LRP1B: variants seen among roughly 807,000 people sequenced by gnomAD.
LRP1B encodes the protein LDL receptor related protein 1B.
LRP1B carries 217 observed loss-of-function variants against 556.6 expected under a neutral mutation model. The observed-to-expected ratio is 0.39, with a 90% CI of 0.35 to 0.44. The LOEUF (loss-of-function observed/expected upper bound fraction) is 0.44. Among genes scored for constraint, LRP1B ranks in the 20% least tolerant of loss-of-function variants. LRP1B has a pLI of 1.00. For missense variants in LRP1B, 5,053 were observed against 5,620.8 expected, an observed-to-expected ratio of 0.90 and a Z score of 3.23; for synonymous variants, 2,047 against 1,865.8, an observed-to-expected ratio of 1.10 and a Z score of -2.50.
chr2:140,715,885 A>G, intron 37 of LRP1B, 88 bp downstream of exon 37: 1 of 1,100,146 alleles, frequency 9.1e-7, no homozygotes, highest in Non-Finnish European at 1.3e-6. Flanking sequence ...TGTCTCAGAC[A>G]TTACAGCTAA....
intron 37 of LRP1B, among the ~76,000 whole-genome samples, chr2:140,703,983 T>C (rs1224566625): frequency 6.6e-6 from 1 of 152,192 alleles, no homozygotes; most frequent in Admixed American, 6.6e-5. Context: ...CATGTGTCTT[T>C]TTGGTATAAT....
chr2:142,117,617 G>C (rs1574705992), intron 1 of LRP1B, among the ~76,000 whole-genome samples: 1 of 151,956 alleles, frequency 6.6e-6, no homozygotes, highest in African/African-American at 2.4e-5. Flanking sequence ...GTGTGTGTTT[G>C]TGTGTGTGTG....
intron 2 of LRP1B, among the ~76,000 whole-genome samples, chr2:141,565,479 T>C (rs16846504): frequency 0.028 from 4,268 of 152,316 alleles, 217 homozygotes; most frequent in African/African-American, 0.094. Flanking sequence ...ATACCTTTTT[T>C]CTTTATATCC....
chr2:140,865,911 G>A (rs1312552332), intron 27 of LRP1B, among the ~76,000 whole-genome samples: 1 of 152,078 alleles, frequency 6.6e-6, no homozygotes, highest in Admixed American at 6.6e-5. Flanking sequence ...ATAAATATCA[G>A]GAAAGCTTGA....
At chr2:140,383,770 G>A (rs138020638) in intron 67 of LRP1B, among the ~76,000 whole-genome samples, 4 of 152,158 alleles carry the variant, frequency 2.6e-5, no homozygotes, top group African/African-American at 9.6e-5. Context: ...TCTCTCCTCT[G>A]CAACTTCATC....
rs946099031 is a variant in LRP1B, at chr2:141,587,155, CAAAGA to C, written c.206-106627_206-106623del. On this transcript the variant is annotated intron_variant, in intron 2 of 90. Transcript: ENST00000389484. ...TATGCAAAAAACTAGGACTGTAAAG[CAAAGA>C]AAATACCTGATTATTTTTTGTCTTA... Among the ~76,000 whole-genome samples, 6 of 152,074 alleles carry C rather than the reference CAAAGA, an allele frequency of 3.9e-5. No homozygotes were observed. In the South Asian group the frequency reaches 6.2e-4, roughly 16 times the overall value.
chr2:140,238,692 T>A (rs1222016648), intron 88 of LRP1B, among the ~76,000 whole-genome samples: 2 of 150,872 alleles, frequency 1.3e-5, no homozygotes, highest in Non-Finnish European at 3.0e-5. Context: ...AAGCTCTTGG[T>A]TTTTAAGCTT....
intron 3 of LRP1B, among the ~76,000 whole-genome samples, chr2:141,471,498 C>A (rs1424610376): frequency 6.6e-6 from 1 of 152,084 alleles, no homozygotes; most frequent in Non-Finnish European, 1.5e-5. Context: ...ACTTATGCCT[C>A]TGTATATGTA....
At chr2:140,335,455 T>C (rs959835665) in intron 78 of LRP1B, among the ~76,000 whole-genome samples, 160 bp downstream of exon 78, 5 of 151,946 alleles carry the variant, frequency 3.3e-5, no homozygotes, top group Non-Finnish European at 7.4e-5. Context: ...TTGGTATGAA[T>C]AGGACATGCT....
In LRP1B at chr2:140,323,944, T is replaced by C. The variant is rs768966793; in HGVS notation, c.12463A>G (p.Ile4155Val). The C allele has an allele frequency of 6.3e-7, 1 of 1,590,478 alleles. No individual in the cohort carries two copies. Among genetic ancestry groups the C allele is most frequent in the African/African-American group, 1.3e-5 (1 of 74,476 alleles). ...HGSVEYLALN[I>V]DKTKGVLISH... ...ATCAAAACACCTTTTGTTTTATCAA[T>C]ATTTAAAGCTAAGTACTCTACTGAA... The change falls in exon 81 of 91, where the codon ATT (isoleucine) becomes GTT (valine). Residue 4155 changes from isoleucine to valine, a missense_variant. Ile to Val is a conservative substitution (Grantham distance 29). Coordinates refer to ENST00000389484, the MANE Select transcript of LRP1B (RefSeq NM_018557.3).
chr2:142,005,327 A>G (rs1309332730), intron 1 of LRP1B, among the ~76,000 whole-genome samples: 2 of 152,090 alleles, frequency 1.3e-5, no homozygotes, highest in Non-Finnish European at 2.9e-5. Flanking sequence ...AACTGACACT[A>G]GCAACAGCTT....
intron 1 of LRP1B, among the ~76,000 whole-genome samples, chr2:141,973,529 C>T (rs1391610834): frequency 6.6e-6 from 1 of 151,762 alleles, no homozygotes; most frequent in Admixed American, 6.6e-5. Context: ...CACATTTAAT[C>T]TGTGGCTGTT....
chr2:140,898,653 A>T, intron 23 of LRP1B: 1 of 431,782 alleles, frequency 2.3e-6, no homozygotes, highest in Middle Eastern at 7.8e-4. Flanking sequence ...GGTCTGCCTA[A>T]TGAGATTATG....
intron 21 of LRP1B, among the ~76,000 whole-genome samples, chr2:140,922,583 A>G (rs888309594): frequency 6.6e-6 from 1 of 152,034 alleles, no homozygotes; most frequent in South Asian, 2.1e-4. Flanking sequence ...CTGGTTTGGC[A>G]TGCTTATCTC....
At chr2:140,683,342 C>T in intron 41 of LRP1B, 1 of 466,546 alleles carries the variant, frequency 2.1e-6, no homozygotes, top group Non-Finnish European at 4.2e-6. Context: ...ACCTACAAGG[C>T]AGAAAACTCC....
chr2:141,319,894 T>G (rs1051805128), intron 3 of LRP1B, among the ~76,000 whole-genome samples: 1 of 152,122 alleles, frequency 6.6e-6, no homozygotes, highest in African/African-American at 2.4e-5. Flanking sequence ...GCAACCAGAT[T>G]TTTAACCTTA....
intron 14 of LRP1B, among the ~76,000 whole-genome samples, chr2:141,006,781 C>T (rs140696648): frequency 6.6e-5 from 10 of 152,032 alleles, no homozygotes; most frequent in South Asian, 2.1e-4. Flanking sequence ...TAGCATGCTA[C>T]GGTACTGAAT....
At chr2:140,619,074 TACACACACACAC>T (rs113009077) in intron 41 of LRP1B, among the ~76,000 whole-genome samples, 48,811 of 146,386 alleles carry the variant, frequency 0.33, 8,186 homozygotes, top group South Asian at 0.49. Flanking sequence ...TATATCTATC[TACACACACACAC>T]ACACACACAC....
At position 140,323,935 on chromosome 2, in the gene LRP1B, T is replaced by C; in HGVS notation, c.12472A>G (p.Thr4158Ala). ...VEYLALNIDK[T>A]KGVLISHRYK... ...CGATGAGATATCAAAACACCTTTTGTTTTATCAATATTTAAAGCTAAGTAC... is the reference window on the plus strand; with the variant it reads ...CGATGAGATATCAAAACACCTTTTGCTTTATCAATATTTAAAGCTAAGTAC... The change falls in exon 81 of 91, where the codon ACA (threonine) becomes GCA (alanine). Residue 4158 changes from threonine (T) to alanine (A), a missense_variant. By Grantham distance (58) the Thr-to-Ala change is moderately conservative (BLOSUM62 0). Transcript: ENST00000389484. 6.3e-7 allele frequency: 1 copy of C among 1,587,768 alleles called. No homozygotes were observed. Among genetic ancestry groups the C allele is most frequent in the Non-Finnish European group, 8.6e-7 (1 of 1,157,264 alleles).
Sources: allele counts gnomAD v4.1 joint callset (sites outside exome capture counted in the v4.1 genomes callset), GRCh38; gene constraint gnomAD v4.1.1; transcripts MANE v1.5; gene names NCBI Gene and HGNC (gene_info 2026-07-23, HGNC 2026-07-21).